SOX6: variants seen among roughly 807,000 people sequenced by gnomAD.
The protein encoded by SOX6 is transcription factor SOX-6.
A neutral mutation model predicts 97.8 loss-of-function variants in SOX6; 11 were observed. The observed-to-expected ratio is 0.11, with a 90% CI of 0.07 to 0.19. The LOEUF (loss-of-function observed/expected upper bound fraction) is 0.19, where lower values mean the gene tolerates loss of function less well. Ranked by LOEUF, SOX6 falls within the 10% of genes least tolerant of loss-of-function variation. The probability of loss-of-function intolerance (pLI) is 1.00; values close to 1 mark genes in which losing one functional copy is unlikely to be tolerated. For missense variants in SOX6, 810 were observed against 1,039.5 expected, an observed-to-expected ratio of 0.78 and a Z score of 3.04; for synonymous variants, 360 against 371.4, an observed-to-expected ratio of 0.97 and a Z score of 0.35.
intron 1 of SOX6, among the ~76,000 whole-genome samples, chr11:16,383,271 T>C (rs1857883669): frequency 6.6e-6 from 1 of 151,918 alleles, no homozygotes; most frequent in Non-Finnish European, 1.5e-5. Flanking sequence ...GCAACATCCC[T>C]ATAACAGAGC....
At chr11:16,437,085 C>T (rs1343635077) in intron 1 of SOX6, among the ~76,000 whole-genome samples, 1 of 144,078 alleles carries the variant, frequency 6.9e-6, no homozygotes, top group Admixed American at 7.1e-5. Context: ...AGTGAGACTC[C>T]ATCTTTACAA....
chr11:16,663,479 T>C (rs747431222), intron 3 of SOX6, among the ~76,000 whole-genome samples: 2 of 152,022 alleles, frequency 1.3e-5, no homozygotes, highest in African/African-American at 2.4e-5. Context: ...CATGACACCA[T>C]ACTCAGCTAA....
intron 4 of SOX6, among the ~76,000 whole-genome samples, chr11:16,579,781 AT>A (rs1848015476): frequency 6.6e-6 from 1 of 152,116 alleles, no homozygotes; most frequent in South Asian, 2.1e-4. Flanking sequence ...TAGTGGACAA[AT>A]ACACTCATTT....
At chr11:16,265,319 T>C (rs984471152) in intron 3 of SOX6, among the ~76,000 whole-genome samples, 10 of 151,944 alleles carry the variant, frequency 6.6e-5, no homozygotes, top group Admixed American at 2.0e-4. Flanking sequence ...GAAATAGTCA[T>C]GATTTGGTGC....
chr11:16,520,626 G>C (rs146951952), intron 4 of SOX6, among the ~76,000 whole-genome samples: 1 of 152,222 alleles, frequency 6.6e-6, no homozygotes, highest in Non-Finnish European at 1.5e-5. Context: ...GACAGTGGGC[G>C]TAGGACAGTG....
intron 4 of SOX6, among the ~76,000 whole-genome samples, chr11:16,485,352 A>G (rs1284222535): frequency 6.6e-6 from 1 of 152,216 alleles, no homozygotes; most frequent in Admixed American, 6.5e-5. Flanking sequence ...TTGGGATGCC[A>G]AAGTGGGAGG....
At chr11:16,530,928 TTA>T in intron 4 of SOX6, among the ~76,000 whole-genome samples, 1 of 147,970 alleles carries the variant, frequency 6.8e-6, no homozygotes, top group Non-Finnish European at 1.5e-5. Flanking sequence ...TAAACATATT[TTA>T]TATATATATA....
intron 4 of SOX6, among the ~76,000 whole-genome samples, chr11:16,506,363 A>G (rs1860789146): frequency 6.6e-6 from 1 of 152,062 alleles, no homozygotes; most frequent in South Asian, 2.1e-4. Flanking sequence ...GTTTTTGCCA[A>G]TTTCTCCCTT....
intron 4 of SOX6, among the ~76,000 whole-genome samples, chr11:16,562,324 T>C (rs1847825022): frequency 1.3e-5 from 2 of 152,108 alleles, no homozygotes; most frequent in Admixed American, 6.5e-5. Context: ...GTGAATTTCC[T>C]AGGTTTTCTT....
intron 12 of SOX6, among the ~76,000 whole-genome samples, chr11:16,039,685 C>T (rs1386998450): frequency 6.6e-6 from 1 of 151,916 alleles, no homozygotes; most frequent in African/African-American, 2.4e-5. Flanking sequence ...AAAGCAAAAA[C>T]ATTCTTCTAT....
chr11:16,260,133 G>A (rs1481610643), intron 3 of SOX6, among the ~76,000 whole-genome samples: 1 of 151,948 alleles, frequency 6.6e-6, no homozygotes, highest in Non-Finnish European at 1.5e-5. Flanking sequence ...CCGAGTAGCT[G>A]GGACTACAGG....
intron 4 of SOX6, among the ~76,000 whole-genome samples, chr11:16,505,419 C>T (rs927490451): frequency 2.0e-5 from 3 of 152,048 alleles, no homozygotes; most frequent in Admixed American, 6.6e-5. Flanking sequence ...CTGCTTCCAA[C>T]GGCATATGTT....
chr11:16,598,969 C>A (rs994897030), intron 4 of SOX6, among the ~76,000 whole-genome samples: 2 of 151,788 alleles, frequency 1.3e-5, no homozygotes, highest in Non-Finnish European at 2.9e-5. Context: ...AAGAGAGAAC[C>A]GAGAGAACAT....
At chr11:16,042,944 C>A (rs367581855) in intron 12 of SOX6, among the ~76,000 whole-genome samples, 1 of 152,104 alleles carries the variant, frequency 6.6e-6, no homozygotes, top group African/African-American at 2.4e-5. Flanking sequence ...ATAACACCTA[C>A]GCAGGAAAGC....
intron 4 of SOX6, among the ~76,000 whole-genome samples, chr11:16,483,701 A>G (rs562877206): frequency 6.6e-6 from 1 of 152,310 alleles, no homozygotes; most frequent in East Asian, 1.9e-4. Context: ...ACACAGGTAT[A>G]GGTCACTTAG....
chr11:16,425,341 AAC>A (rs1263464511), intron 1 of SOX6, among the ~76,000 whole-genome samples: 2 of 152,202 alleles, frequency 1.3e-5, no homozygotes, highest in Non-Finnish European at 2.9e-5. Flanking sequence ...ATATTTAGTG[AAC>A]ATCTAACATG....
At chr11:16,582,091 T>C (rs541923025) in intron 4 of SOX6, among the ~76,000 whole-genome samples, 59 of 152,162 alleles carry the variant, frequency 3.9e-4, no homozygotes, top group Middle Eastern at 3.4e-3. Context: ...TTCTCATTTA[T>C]AAGTGGGAGC....
At chr11:15,990,440 T>C (rs1459192959) in intron 13 of SOX6, among the ~76,000 whole-genome samples, 2 of 151,782 alleles carry the variant, frequency 1.3e-5, no homozygotes, top group Non-Finnish European at 2.9e-5. Flanking sequence ...TCTAGTAACA[T>C]ACTAGATTGA....
intron 9 of SOX6, among the ~76,000 whole-genome samples, chr11:16,071,019 C>T (rs1439288983): frequency 6.6e-6 from 1 of 152,258 alleles, no homozygotes; most frequent in Non-Finnish European, 1.5e-5. Context: ...AAGATTGCTT[C>T]ACCTCCCCTT....
Sources: allele counts gnomAD v4.1 joint callset (sites outside exome capture counted in the v4.1 genomes callset), GRCh38; gene constraint gnomAD v4.1.1; transcripts MANE v1.5; gene names NCBI Gene and HGNC (gene_info 2026-07-23, HGNC 2026-07-21).